The following CSMD1 variants were observed in gnomAD, a reference collection of about 807,000 sequenced individuals.
CSMD1 encodes the protein CUB and sushi domain-containing protein 1.
CSMD1 carries 213 observed loss-of-function variants against 417.5 expected under a neutral mutation model. That is an observed-to-expected ratio of 0.51 (90% CI 0.46 to 0.57). The LOEUF (loss-of-function observed/expected upper bound fraction) is 0.57. Among genes scored for constraint, CSMD1 ranks in the 20% least tolerant of loss-of-function variants. CSMD1 has a pLI of 0.00. For synonymous variants in CSMD1, 2,862 were observed against 1,736.8 expected, an observed-to-expected ratio of 1.65 and a Z score of -16.11; for missense variants, 6,923 against 4,529.7, an observed-to-expected ratio of 1.53 and a Z score of -15.17.
intron 10 of CSMD1, among the ~76,000 whole-genome samples, chr8:3,557,845 A>G (rs1454448962): frequency 6.6e-6 from 1 of 152,184 alleles, no homozygotes; most frequent in Non-Finnish European, 1.5e-5. Context: ...TTTACTCCAA[A>G]GGTAACTTAA....
At chr8:4,657,223 C>A (rs1804286341) in intron 1 of CSMD1, among the ~76,000 whole-genome samples, 1 of 152,118 alleles carries the variant, frequency 6.6e-6, no homozygotes, top group Non-Finnish European at 1.5e-5. Flanking sequence ...ACTTTCACAC[C>A]TGGTTGAGCA....
chr8:4,863,860 T>G (rs1169018870), intron 1 of CSMD1, among the ~76,000 whole-genome samples: 1 of 152,056 alleles, frequency 6.6e-6, no homozygotes, highest in Non-Finnish European at 1.5e-5. Context: ...TTTTCTTGAT[T>G]TTATTCTGCC....
chr8:4,127,081 G>A (rs1802808409), intron 3 of CSMD1, among the ~76,000 whole-genome samples: 1 of 119,716 alleles, frequency 8.4e-6, no homozygotes, highest in Non-Finnish European at 1.8e-5. Context: ...AATCTCCTGT[G>A]ATTTTTTTTA....
chr8:3,402,076 T>G (rs980649380), intron 15 of CSMD1, among the ~76,000 whole-genome samples: 4 of 152,080 alleles, frequency 2.6e-5, no homozygotes, highest in Admixed American at 6.6e-5. Flanking sequence ...ATGGCTTTAT[T>G]TTTATTAGAA....
intron 11 of CSMD1, among the ~76,000 whole-genome samples, chr8:3,488,608 C>A (rs939933745): frequency 1.3e-5 from 2 of 152,186 alleles, no homozygotes; most frequent in South Asian, 2.1e-4. Flanking sequence ...AAGGCTAGGA[C>A]AATGGCTTAT....
In CSMD1 at chr8:3,104,724, T is replaced by C. The variant is rs1426308258; in HGVS notation, c.6949+1804A>G. Among the ~76,000 whole-genome samples, 7 of 151,398 alleles carry C rather than the reference T, an allele frequency of 4.6e-5. No homozygotes were observed. In the East Asian group the frequency reaches 1.4e-3, roughly 29 times the overall value. On this transcript the variant is annotated intron_variant, in intron 46 of 69. Coordinates refer to ENST00000635120, the MANE Select transcript of CSMD1 (RefSeq NM_033225.6). Reference sequence around the variant, plus strand: ...TTTTTTCTTTTCTTTTTTTTTTTTTTTGAGACAGAGTTTTGCTGTGTCTCC... The same window carrying C: ...TTTTTTCTTTTCTTTTTTTTTTTTTCTGAGACAGAGTTTTGCTGTGTCTCC...
chr8:4,665,974 A>G (rs1022152335), intron 1 of CSMD1, among the ~76,000 whole-genome samples: 1 of 152,190 alleles, frequency 6.6e-6, no homozygotes, highest in Non-Finnish European at 1.5e-5. Flanking sequence ...CCTATTAGGA[A>G]TATGTAATAT....
intron 17 of CSMD1, among the ~76,000 whole-genome samples, chr8:3,389,625 ATTATATATTAATGGTTTTAATAAGTGAGG>A (rs766325901): frequency 0.47 from 71,415 of 151,868 alleles, 17,243 homozygotes; most frequent in African/African-American, 0.57. Flanking sequence ...ATAAGTGAGG[ATTATATATTAATGGTTTTAATAAGTGAGG>A]ATTATATATT....
chr8:4,060,103 G>C (rs1054272575), intron 3 of CSMD1, among the ~76,000 whole-genome samples: 2 of 152,288 alleles, frequency 1.3e-5, no homozygotes, highest in African/African-American at 4.8e-5. Context: ...CCATGATCAA[G>C]TGGGCTTCAT....
intron 1 of CSMD1, among the ~76,000 whole-genome samples, chr8:4,768,027 C>G (rs1189342206): frequency 6.6e-6 from 1 of 152,204 alleles, no homozygotes; most frequent in Non-Finnish European, 1.5e-5. Flanking sequence ...TCAACAGACA[C>G]ATGCGTTGAG....
chr8:3,545,169 C>G (rs907710770), intron 10 of CSMD1, among the ~76,000 whole-genome samples: 2 of 152,144 alleles, frequency 1.3e-5, no homozygotes, highest in Non-Finnish European at 2.9e-5. Context: ...CAGTAAAGGA[C>G]TCTACACTTA....
At chr8:3,281,001 C>T (rs1802694703) in intron 26 of CSMD1, among the ~76,000 whole-genome samples, 1 of 152,042 alleles carries the variant, frequency 6.6e-6, no homozygotes, top group East Asian at 1.9e-4. Flanking sequence ...ACATTCTTTC[C>T]ACATAATCCA....
In CSMD1 at chr8:3,284,279, C is replaced by A. The variant is rs750813538; in HGVS notation, c.4018G>T (p.Asp1340Tyr). 2 of 1,613,814 alleles carry A rather than the reference C, an allele frequency of 1.2e-6. No individual in the cohort carries two copies. The highest frequency in any genetic ancestry group is 2.7e-5 in the African/African-American group (2 of 74,920). Reference protein sequence around the residue: ...DILKVWDGPVDSDILLKEWSG... With the variant: ...DILKVWDGPVYSDILLKEWSG... ...CACTCCTTCAGCAGGATGTCACTGT[C>A]CACCGGCCCGTCCCAGACCTTGAGG... The change falls in exon 26 of 70, where the codon GAC becomes TAC. Residue 1340 changes from aspartate (D) to tyrosine (Y), a missense_variant. Coordinates refer to ENST00000635120, the MANE Select transcript of CSMD1 (RefSeq NM_033225.6).
chr8:4,624,931 G>C (rs1051464082), intron 2 of CSMD1, among the ~76,000 whole-genome samples: 1 of 152,120 alleles, frequency 6.6e-6, no homozygotes, highest in Non-Finnish European at 1.5e-5. Flanking sequence ...TGTGCTCCTG[G>C]TAGAGAACAG....
chr8:3,548,846 C>A (rs1444406488), intron 10 of CSMD1, among the ~76,000 whole-genome samples: 2 of 152,118 alleles, frequency 1.3e-5, no homozygotes, highest in Admixed American at 6.5e-5. Flanking sequence ...GGAGGGCAGG[C>A]AGGGTGCTCC....
intron 26 of CSMD1, among the ~76,000 whole-genome samples, chr8:3,281,194 G>T (rs1404480148): frequency 6.6e-6 from 1 of 152,164 alleles, no homozygotes; most frequent in Admixed American, 6.5e-5. Flanking sequence ...TGTAATCCCA[G>T]CACTTTGGGA....
chr8:3,994,688 G>A lies in CSMD1; in HGVS notation c.818+3215C>T, dbSNP rs994159984. On this transcript the variant is annotated intron_variant, in intron 5 of 69. Coordinates refer to ENST00000635120, the MANE Select transcript of CSMD1 (RefSeq NM_033225.6). ...ATGAGGCTTAAATTACGAACCCAAC[G>A]TATGTTTAATATAAAGATAATTTTG... 3.0e-4 allele frequency among the ~76,000 whole-genome samples: 45 copies of A among 151,970 alleles called. 1 individual carries two copies. In the East Asian group the frequency reaches 5.6e-3, roughly 19 times the overall value.
At chr8:3,417,820 T>C (rs1031107705) in intron 12 of CSMD1, among the ~76,000 whole-genome samples, 3 of 150,206 alleles carry the variant, frequency 2.0e-5, no homozygotes, top group South Asian at 2.1e-4. Context: ...AATGGAAGTC[T>C]ACAGACCCTG....
rs139066084 is a variant in CSMD1, at chr8:4,003,419, CAAATAAAT to C, written c.611-5317_611-5310del. ...ATAAACAAACAAACAAAAAAACAAACAAATAAATAAATAAATAAATAGATAAGTAAATA... is the reference window on the plus strand; with the variant it reads ...ATAAACAAACAAACAAAAAAACAAACAAATAAATAAATAGATAAGTAAATA... On this transcript the variant is annotated intron_variant, in intron 4 of 69. Coordinates refer to ENST00000635120, the MANE Select transcript of CSMD1 (RefSeq NM_033225.6). Among the ~76,000 whole-genome samples, 4 of 150,212 alleles carry C rather than the reference CAAATAAAT, an allele frequency of 2.7e-5. No individual in the cohort carries two copies. In the South Asian group the frequency reaches 6.3e-4, roughly 24 times the overall value.
Sources: allele counts gnomAD v4.1 joint callset (sites outside exome capture counted in the v4.1 genomes callset), GRCh38; gene constraint gnomAD v4.1.1; transcripts MANE v1.5; gene names NCBI Gene and HGNC (gene_info 2026-07-23, HGNC 2026-07-21).